The following PRORP variants were observed in gnomAD, a reference collection of about 807,000 sequenced individuals.
The protein encoded by PRORP is protein only RNase P catalytic subunit.
PRORP carries 51 observed loss-of-function variants against 59.4 expected under a neutral mutation model. That is an observed-to-expected ratio of 0.86 (90% CI 0.69 to 1.08). The LOEUF is 1.08. Ranked by LOEUF, PRORP falls within the 50% of genes least tolerant of loss-of-function variation. PRORP has a pLI of 0.00. For synonymous variants in PRORP, 231 were observed against 245.6 expected (o/e 0.94, Z 0.55); for missense variants, 646 against 690.3 (o/e 0.94, Z 0.72).
intron 5 of PRORP, among the ~76,000 whole-genome samples, chr14:35,228,828 A>T (rs11620737): frequency 0.16 from 24,406 of 152,130 alleles, 2,305 homozygotes; most frequent in Middle Eastern, 0.23. Context: ...CAGTAATGGG[A>T]TTGCTGGGTT....
At chr14:35,166,594 C>T (rs961223711) in intron 4 of PRORP, among the ~76,000 whole-genome samples, 20 of 151,940 alleles carry the variant, frequency 1.3e-4, no homozygotes, top group African/African-American at 4.4e-4. Flanking sequence ...GGACTACAGG[C>T]GCGTGCCACC....
At chr14:35,158,262 C>A (rs2047968360) in intron 4 of PRORP, 1 of 243,106 alleles carries the variant, frequency 4.1e-6, no homozygotes, top group Non-Finnish European at 8.4e-6. Context: ...TGCCAGTTTT[C>A]TCCTTTCATA....
chr14:35,227,634 A>G (rs2049968856), intron 5 of PRORP, among the ~76,000 whole-genome samples: 1 of 152,010 alleles, frequency 6.6e-6, no homozygotes, highest in Non-Finnish European at 1.5e-5. Flanking sequence ...GAGAACTCCC[A>G]CCAAAAATAT....
At chr14:35,125,364 C>T (rs2047072786) in intron 2 of PRORP, among the ~76,000 whole-genome samples, 1 of 151,994 alleles carries the variant, frequency 6.6e-6, no homozygotes, top group African/African-American at 2.4e-5. Context: ...GGGTACATAC[C>T]TGTTTATTGC....
intron 4 of PRORP, 146 bp from the exon 5 acceptor site, chr14:35,180,524 A>ATGTGTGTGTGTG: frequency 2.4e-6 from 1 of 422,286 alleles, no homozygotes; most frequent in Non-Finnish European, 4.2e-6. Context: ...TTTGTAGAGT[A>ATGTGTGTGTGTG]TCTGTGTGTG....
chr14:35,127,521 G>T lies in PRORP; in HGVS notation c.1077G>T (p.Gln359His), dbSNP rs781668168. ...GTGGAAAAACCATAGAGTCTATTCA[G>T]CTGAGTCCAGAAGAATATGAATGTC... ...SGCGKTIESI[Q>H]LSPEEYECLK... The change falls in exon 4 of 8, where the codon CAG becomes CAT. Residue 359 changes from glutamine (Q) to histidine (H), a missense_variant. Physicochemically the swap from Gln to His is conservative, Grantham distance 24 (BLOSUM62 0). Transcript: ENST00000534898. The T allele has an allele frequency of 1.2e-6, 2 of 1,611,746 alleles. No individual in the cohort carries two copies. Among genetic ancestry groups the T allele is most frequent in the Non-Finnish European group, 8.5e-7 (1 of 1,178,066 alleles).
rs148762926 is a variant in PRORP, at chr14:35,123,666, G to A, written c.421G>A (p.Glu141Lys). The A allele has an allele frequency of 6.2e-7, 1 of 1,614,182 alleles. No individual in the cohort carries two copies. The highest frequency in any genetic ancestry group is 1.7e-5 in the Admixed American group (1 of 60,020). ...LKENTGKTSF[E>K]SWIISQMAGC... ...AGAAAACACCGGAAAGACCAGTTTC[G>A]AAAGTTGGATCATTTCACAGATGGC... is the stretch of plus-strand genomic sequence containing the variant. The change falls in exon 2 of 8, where the codon GAA (glutamate) becomes AAA (lysine). Residue 141 changes from glutamate (E) to lysine (K), a missense_variant. Glu to Lys is a moderately conservative substitution (Grantham distance 56). Coordinates refer to ENST00000534898, the MANE Select transcript of PRORP (RefSeq NM_014672.4).
intron 5 of PRORP, among the ~76,000 whole-genome samples, chr14:35,238,794 A>G (rs2050285945): frequency 6.6e-6 from 1 of 152,220 alleles, no homozygotes; most frequent in African/African-American, 2.4e-5. Context: ...TTAAAGCTGG[A>G]CACTGTGCTT....
chr14:35,122,255 G>A, upstream of PRORP: 1 of 419,478 alleles, frequency 2.4e-6, no homozygotes, highest in Admixed American at 3.5e-5. Context: ...ATAAGCCCGC[G>A]TTTTCCTTTA....
At chr14:35,184,521 T>A (rs1353381113) in intron 5 of PRORP, among the ~76,000 whole-genome samples, 3 of 152,204 alleles carry the variant, frequency 2.0e-5, no homozygotes, top group African/African-American at 4.8e-5. Context: ...AAATCTTTTT[T>A]AAAAAACTTT....
intron 5 of PRORP, among the ~76,000 whole-genome samples, chr14:35,261,246 C>CCCAG (rs2050894984): frequency 6.6e-6 from 1 of 152,110 alleles, no homozygotes; most frequent in Admixed American, 6.5e-5. Context: ...TACTGAGGTC[C>CCCAG]CCAGCCAGTT....
At chr14:35,152,221 A>T (rs533494158) in intron 4 of PRORP, among the ~76,000 whole-genome samples, 1 of 152,314 alleles carries the variant, frequency 6.6e-6, no homozygotes, top group East Asian at 1.9e-4. Flanking sequence ...TGGACACAGC[A>T]CATGTTTCAG....
intron 5 of PRORP, among the ~76,000 whole-genome samples, chr14:35,193,920 A>G (rs2048947241): frequency 6.6e-6 from 1 of 152,100 alleles, no homozygotes; most frequent in Admixed American, 6.6e-5. Context: ...TGTCTTATTC[A>G]CACTTGGGTG....
At chr14:35,228,053 G>A (rs925343402) in intron 5 of PRORP, among the ~76,000 whole-genome samples, 2 of 152,180 alleles carry the variant, frequency 1.3e-5, no homozygotes, top group African/African-American at 4.8e-5. Flanking sequence ...TGAGGCAGAA[G>A]AATCGCTTGA....
chr14:35,275,270 A>G lies in PRORP; in HGVS notation c.*1704A>G, dbSNP rs2051279996. On this transcript the variant is annotated 3_prime_UTR_variant, in exon 8 of 8. Coordinates refer to ENST00000534898, the MANE Select transcript of PRORP (RefSeq NM_014672.4). ...AAAGATAATTACTTACATGAAATAA[A>G]CAATGACCTCTTTTATATCAAACCA... The G allele has an allele frequency of 6.6e-6, 1 of 152,214 alleles. No homozygotes were observed. The allele number at this position is 152,214 out of a possible 1,614,324, so 9.4% of individuals were successfully genotyped here.
At chr14:35,165,590 C>A (rs1297640329) in intron 4 of PRORP, among the ~76,000 whole-genome samples, 1 of 151,878 alleles carries the variant, frequency 6.6e-6, no homozygotes, top group Non-Finnish European at 1.5e-5. Flanking sequence ...GGATTTTTTT[C>A]TTTAATCTCA....
rs2047458282 is a variant in PRORP at position 35,140,445 on chromosome 14, T to C, written c.1167+12834T>C. Among the ~76,000 whole-genome samples the C allele has an allele frequency of 1.4e-5, 2 of 145,820 alleles. 1 individual carries two copies. The highest frequency in any genetic ancestry group is 3.0e-5 in the Non-Finnish European group (2 of 65,596). On this transcript the variant is annotated intron_variant, in intron 4 of 7. Transcript: ENST00000534898. The stretch of plus-strand genomic sequence containing the variant: ...ATTTAGATTTTCCTAATGACTAATG[T>C]TGTTGAGCATCTTTTTATATGCTTA...
chr14:35,266,154 C>CTAA (rs2138657273), intron 5 of PRORP, among the ~76,000 whole-genome samples: 1 of 151,932 alleles, frequency 6.6e-6, no homozygotes, highest in South Asian at 2.1e-4. Flanking sequence ...CCCGTCTCTA[C>CTAA]TAAAAATACA....
At position 35,270,414 on chromosome 14, in the gene PRORP, C is replaced by A; in HGVS notation, c.1438C>A (p.Pro480Thr). 1 of 1,613,670 alleles carries A rather than the reference C, an allele frequency of 6.2e-7. No homozygotes were observed. Among genetic ancestry groups the A allele is most frequent in the Non-Finnish European group, 8.5e-7 (1 of 1,179,926 alleles). Reference protein sequence around the residue: ...FFADDISEDDPFLLYATLHSG... With the variant: ...FFADDISEDDTFLLYATLHSG... The stretch of plus-strand genomic sequence containing the variant: ...TGCCTGGTTCAGCTCGGAGGATGAT[C>A]CATTCCTTCTGTATGCCACACTGCA... The change falls in exon 7 of 8, where the codon CCA becomes ACA. Residue 480 changes from proline to threonine, a missense_variant. Pro to Thr is a conservative substitution (Grantham distance 38, BLOSUM62 -1). Coordinates refer to ENST00000534898, the MANE Select transcript of PRORP (RefSeq NM_014672.4).
Sources: allele counts gnomAD v4.1 joint callset (sites outside exome capture counted in the v4.1 genomes callset), GRCh38; gene constraint gnomAD v4.1.1; transcripts MANE v1.5; gene names NCBI Gene and HGNC (gene_info 2026-07-23, HGNC 2026-07-21).